The following MEI4 variants were observed in gnomAD, a reference collection of about 807,000 sequenced individuals.
MEI4 encodes the protein meiosis-specific protein MEI4.
Under a neutral mutation model 31.4 loss-of-function variants are expected in MEI4, and 27 were observed. The ratio of observed to expected loss-of-function variants is 0.86; its 90% CI spans 0.63 to 1.19. The LOEUF (loss-of-function observed/expected upper bound fraction) is 1.19. Among genes scored for constraint, MEI4 ranks in the 50% most tolerant of loss-of-function variants. The pLI is 0.00. For missense variants in MEI4, 329 were observed against 398.9 expected (o/e 0.82, Z 1.49); for synonymous variants, 122 against 145.4 (o/e 0.84, Z 1.16).
chr6:77,895,381 T>G (rs1766062811), intron 4 of MEI4, among the ~76,000 whole-genome samples: 1 of 152,116 alleles, frequency 6.6e-6, no homozygotes, highest in Non-Finnish European at 1.5e-5. Context: ...CCTCCTTGTC[T>G]CAATGCATCA....
intron 3 of MEI4, among the ~76,000 whole-genome samples, chr6:77,765,445 T>A (rs1768148529): frequency 6.6e-6 from 1 of 151,850 alleles, no homozygotes; most frequent in Admixed American, 6.6e-5. Context: ...CTTTAAGTTT[T>A]AGGGTACATG....
chr6:77,787,668 A>G (rs1561988010), intron 3 of MEI4, among the ~76,000 whole-genome samples: 1 of 152,202 alleles, frequency 6.6e-6, no homozygotes, highest in Non-Finnish European at 1.5e-5. Context: ...AGCAAACATG[A>G]CACCACCAAA....
chr6:77,785,752 T>C (rs1768717996), intron 3 of MEI4, among the ~76,000 whole-genome samples: 1 of 152,180 alleles, frequency 6.6e-6, no homozygotes, highest in South Asian at 2.1e-4. Flanking sequence ...TAGAGAGCTT[T>C]TGGCCCCAGG....
intron 1 of MEI4, among the ~76,000 whole-genome samples, chr6:77,662,421 T>C (rs537003497): frequency 3.5e-4 from 53 of 152,020 alleles, no homozygotes; most frequent in Non-Finnish European, 3.1e-4. Context: ...TCCGGAATAA[T>C]GTGGGAGGCC....
rs546188872 is a variant in MEI4 at position 77,738,072 on chromosome 6, A to C, written c.233-23058A>C. Among the ~76,000 whole-genome samples the C allele has an allele frequency of 2.0e-5, 3 of 152,294 alleles. No individual in the cohort carries two copies. In the East Asian group the frequency reaches 5.8e-4, roughly 29 times the overall value. ...TGAGAAAGATGGGGACATCCACGAAACTGGAATGAGGGGTTGTATCAAAAG... is the reference window on the plus strand; with the variant it reads ...TGAGAAAGATGGGGACATCCACGAACCTGGAATGAGGGGTTGTATCAAAAG... On this transcript the variant is annotated intron_variant, in intron 2 of 4. Coordinates refer to ENST00000684080, the MANE Select transcript of MEI4 (RefSeq NM_001322247.2).
Position 77,717,054 on chromosome 6 carries a change from G to A in MEI4, c.232+26151G>A, listed in dbSNP as rs867682046. On this transcript the variant is annotated intron_variant, in intron 2 of 4. Transcript: ENST00000684080. ...CAAAGTATAGAGAAAGAAATAAGGG[G>A]ACCCGGGGAACCAGCGTTCAGCATA... Among the ~76,000 whole-genome samples the A allele has an allele frequency of 4.9e-3, 709 of 145,022 alleles. 1 individual carries two copies. The highest frequency in any genetic ancestry group is 0.017 in the Middle Eastern group (5 of 290).
chr6:77,883,683 A>G (rs1771540787), intron 4 of MEI4, among the ~76,000 whole-genome samples: 1 of 120,176 alleles, frequency 8.3e-6, no homozygotes, highest in Admixed American at 8.7e-5. Flanking sequence ...GTATGTTTAT[A>G]TACATATATA....
chr6:77,687,767 A>G (rs980564315), intron 1 of MEI4, among the ~76,000 whole-genome samples: 1 of 152,032 alleles, frequency 6.6e-6, no homozygotes, highest in African/African-American at 2.4e-5. Context: ...GTATGGGGGG[A>G]TTGCACAGAG....
intron 4 of MEI4, among the ~76,000 whole-genome samples, chr6:77,838,430 G>T (rs758320574): frequency 6.6e-6 from 1 of 152,076 alleles, no homozygotes; most frequent in Non-Finnish European, 1.5e-5. Flanking sequence ...TTTTATGGGA[G>T]GCCAGAAAAT....
rs55947073 is a variant in MEI4 at position 77,883,745 on chromosome 6, A to ATATATATATATATATATATCTAT, written c.901-39344_901-39343insTATATATATATATATATATCTAT. Among the ~76,000 whole-genome samples the ATATATATATATATATATATCTAT allele has an allele frequency of 1.9e-4, 16 of 82,314 alleles. No individual in the cohort carries two copies. In the East Asian group the frequency reaches 2.4e-3, roughly 12 times the overall value. The allele number at this position is 82,314 out of a possible 152,430, so 54.0% of individuals were successfully genotyped here. A position where few individuals can be genotyped will look rare whatever the true frequency, so the allele number is the denominator to read the frequency against. On this transcript the variant is annotated intron_variant, in intron 4 of 4. Transcript: ENST00000684080. ...ATATATATATATATATATATATATA[A>ATATATATATATATATATATCTAT]CTTTGTCTTTGTCTATTCATTTATT...
chr6:77,761,450 G>A lies in MEI4; in HGVS notation c.553G>A (p.Asp185Asn), dbSNP rs558192194. Residue 185 changes from aspartate (D) to asparagine (N), a missense_variant, in exon 3 of 5, where the codon GAT becomes AAT. Coordinates refer to ENST00000684080, the MANE Select transcript of MEI4 (RefSeq NM_001322247.2). ...HFEKDSSTVS[D>N]SVFQLLDGLI... Reference sequence around the variant, plus strand: ...TGAAAAAGACTCTTCCACAGTCTCTGATTCTGTTTTTCAATTGCTGGATGG... The same window carrying A: ...TGAAAAAGACTCTTCCACAGTCTCTAATTCTGTTTTTCAATTGCTGGATGG... 2.5e-5 allele frequency: 31 copies of A among 1,232,112 alleles called. No homozygotes were observed. The South Asian group carries it at 1.1e-3, about 44-fold the overall frequency. 76.3% of individuals were successfully genotyped at this position (1,232,112 alleles called of 1,614,324 possible).
chr6:77,670,448 C>G (rs1046645263), intron 1 of MEI4, among the ~76,000 whole-genome samples: 2 of 152,078 alleles, frequency 1.3e-5, no homozygotes, highest in Admixed American at 6.5e-5. Context: ...AATCTTAGCA[C>G]TGATGCCTAC....
chr6:77,778,952 T>C (rs1486514915), intron 3 of MEI4, among the ~76,000 whole-genome samples: 1 of 152,034 alleles, frequency 6.6e-6, no homozygotes, highest in Non-Finnish European at 1.5e-5. Context: ...TAATGATAAT[T>C]GTAAGATGAC....
chr6:77,859,017 C>G (rs987983527), intron 4 of MEI4, among the ~76,000 whole-genome samples: 16 of 152,032 alleles, frequency 1.1e-4, no homozygotes, highest in African/African-American at 3.9e-4. Context: ...TAAGTTCCTT[C>G]CCATCACTCC....
intron 3 of MEI4, among the ~76,000 whole-genome samples, chr6:77,799,775 C>G (rs112676465): frequency 0.23 from 34,610 of 151,890 alleles, 4,758 homozygotes; most frequent in African/African-American, 0.38. Context: ...GCTTGTTTTT[C>G]TCAGGTTTGT....
At chr6:77,922,657 G>A (rs1158340488) in intron 4 of MEI4, among the ~76,000 whole-genome samples, 2 of 151,606 alleles carry the variant, frequency 1.3e-5, no homozygotes, top group Non-Finnish European at 3.0e-5. Flanking sequence ...GATTCAGTAT[G>A]ATATCACATC....
intron 4 of MEI4, among the ~76,000 whole-genome samples, chr6:77,916,283 T>C (rs1042457991): frequency 7.9e-5 from 12 of 152,120 alleles, no homozygotes; most frequent in African/African-American, 2.9e-4. Context: ...AAATTGTTGC[T>C]GGAGAATTAC....
chr6:77,905,086 G>A (rs948641200), intron 4 of MEI4, among the ~76,000 whole-genome samples: 2 of 151,942 alleles, frequency 1.3e-5, no homozygotes, highest in African/African-American at 4.8e-5. Flanking sequence ...TCTGGGGGTT[G>A]ATAAACTCTC....
chr6:77,863,837 T>A (rs533918649), intron 4 of MEI4, among the ~76,000 whole-genome samples: 2 of 152,270 alleles, frequency 1.3e-5, no homozygotes, highest in East Asian at 3.9e-4. Context: ...AGAGAAAGGT[T>A]GGGTTACCCA....
Sources: gnomAD v4.1 joint callset for allele counts (sites outside exome capture counted in the v4.1 genomes callset) on GRCh38, gnomAD v4.1.1 for gene constraint, MANE v1.5 for transcripts, NCBI Gene and HGNC (gene_info 2026-07-23, HGNC 2026-07-21) for gene names.